ZNF483: variants seen among roughly 807,000 people sequenced by gnomAD.
ZNF483 encodes the protein zinc finger protein HIT-10.
Under a neutral mutation model 28.6 loss-of-function variants are expected in ZNF483, and 9 were observed. The observed-to-expected ratio is 0.32, with a 90% CI of 0.19 to 0.55. The LOEUF (loss-of-function observed/expected upper bound fraction) is 0.55, where lower values mean the gene tolerates loss of function less well. Among genes scored for constraint, ZNF483 ranks in the 20% least tolerant of loss-of-function variants. ZNF483 has a pLI of 0.93. For synonymous variants in ZNF483, 322 were observed against 306.2 expected (o/e 1.05, Z -0.54); for missense variants, 675 against 871.7 (o/e 0.77, Z 2.84).
At chr9:111,536,433 G>T (rs531740885) in intron 5 of ZNF483, among the ~76,000 whole-genome samples, 8 of 152,256 alleles carry the variant, frequency 5.3e-5, no homozygotes, top group African/African-American at 1.9e-4. Context: ...GCTGAGGCAG[G>T]AGAATCGCTT....
At chr9:111,574,730 T>G (rs772291875) in intron 5 of ZNF483, 3 of 1,607,890 alleles carry the variant, frequency 1.9e-6, no homozygotes, top group East Asian at 4.5e-5. Flanking sequence ...CATGTGCTCA[T>G]TACCTGGGGG....
Position 111,530,947 on chromosome 9 carries a change from C to G in ZNF483, c.485C>G (p.Pro162Arg), listed in dbSNP as rs550384329. The G allele has an allele frequency of 1.7e-4, 264 of 1,533,488 alleles. No homozygotes were observed. The South Asian group carries it at 2.9e-3, about 17-fold the overall frequency. The allele number at this position is 1,533,488 out of a possible 1,614,324, so 95.0% of individuals were successfully genotyped here. ...GAGGATAAAATGGTCACTGTTTGTC[C>G]CAATACTGAGTCCTGTGTAAGTTTC... ...SKEDKMVTVC[P>R]NTESCESITL... The change falls in exon 3 of 6, where the codon CCC (proline) becomes CGC (arginine). Residue 162 changes from proline (P) to arginine (R), a missense_variant. By Grantham distance (103) the Pro-to-Arg change is moderately radical. Coordinates refer to ENST00000309235, the MANE Select transcript of ZNF483 (RefSeq NM_133464.5).
Position 111,549,815 on chromosome 9 carries a change from G to T in ZNF483, c.*6645G>T. 6.8e-7 allele frequency: 1 copy of T among 1,469,800 alleles called. No homozygotes were observed. The highest frequency in any genetic ancestry group is 9.3e-7 in the Non-Finnish European group (1 of 1,073,596). 91.0% of individuals were successfully genotyped at this position (1,469,800 alleles called of 1,614,324 possible). A position where few individuals can be genotyped will look rare whatever the true frequency, so the allele number is the denominator to read the frequency against. ...CTCTTTTGATCTGTCAACACAATCA[G>T]AACATTTAGCTCTTTGAGCATCTTT... On this transcript the variant is annotated 3_prime_UTR_variant, in exon 6 of 6. Coordinates refer to ENST00000309235, the MANE Select transcript of ZNF483 (RefSeq NM_133464.5).
At chr9:111,534,964 C>T (rs7040225) in intron 5 of ZNF483, among the ~76,000 whole-genome samples, 23,004 of 151,848 alleles carry the variant, frequency 0.15, 2,293 homozygotes, top group African/African-American at 0.27. Flanking sequence ...ACCTCGTGAT[C>T]GGCCTGCCTC....
chr9:111,526,837 C>T lies in ZNF483; in HGVS notation c.-128-431C>T, dbSNP rs796129056. 1.2e-4 allele frequency among the ~76,000 whole-genome samples: 19 copies of T among 152,264 alleles called. 2 individuals carry two copies. The highest frequency in any genetic ancestry group is 4.3e-4 in the African/African-American group (18 of 41,546). On this transcript the variant is annotated intron_variant, in intron 1 of 5. Transcript: ENST00000309235. ...AATTATGGCTGGGCACAGTGGCTCA[C>T]GCCTGTAATCCTGACACTTTGGGAG...
At chr9:111,538,469 G>C (rs1827576744) in intron 5 of ZNF483, among the ~76,000 whole-genome samples, 1 of 148,494 alleles carries the variant, frequency 6.7e-6, no homozygotes, top group Non-Finnish European at 1.5e-5. Flanking sequence ...CAGCCTGGAT[G>C]ACAGAACAAG....
chr9:111,541,896 C>G lies in ZNF483; in HGVS notation c.961C>G (p.Leu321Val). 1 of 1,614,016 alleles carries G rather than the reference C, an allele frequency of 6.2e-7. No homozygotes were observed. Among genetic ancestry groups the G allele is most frequent in the South Asian group, 1.1e-5 (1 of 91,028 alleles). Residue 321 changes from leucine (L) to valine (V), a missense_variant, in exon 6 of 6, where the codon CTG (leucine) becomes GTG (valine). Physicochemically the swap from Leu to Val is conservative, Grantham distance 32. Around this residue, in one of 6 missense-constraint regions of ZNF483, gnomAD observed 525 missense variants for 581.8 expected, o/e 0.90. Transcript: ENST00000309235. ...AGAAACTTCAGACTTAATTAAACAT[C>G]TGAGAGTCTACTTGAGGAAGAAATC... The part of the protein sequence containing the change: ...FKETSDLIKH[L>V]RVYLRKKSRR...
In ZNF483 at chr9:111,546,898, T is replaced by C. The variant is rs1341275050; in HGVS notation, c.*3728T>C. ...GTTCTACTTCCTGTCTGTACAAATT[T>C]GACTGTTCTAATTACTTGGTATGAA... On this transcript the variant is annotated 3_prime_UTR_variant, in exon 6 of 6. Transcript: ENST00000309235. Among the ~76,000 whole-genome samples, 2 of 152,196 alleles carry C rather than the reference T, an allele frequency of 1.3e-5. No homozygotes were observed. The highest frequency in any genetic ancestry group is 4.8e-5 in the African/African-American group (2 of 41,460).
intron 5 of ZNF483, among the ~76,000 whole-genome samples, chr9:111,567,673 G>A (rs1213290127): frequency 6.6e-6 from 1 of 152,210 alleles, no homozygotes; most frequent in Non-Finnish European, 1.5e-5. Context: ...TAAGTGAAAT[G>A]CAGAGCTTTG....
intron 5 of ZNF483, among the ~76,000 whole-genome samples, chr9:111,540,247 T>C (rs983912075): frequency 2.0e-5 from 3 of 152,242 alleles, no homozygotes; most frequent in Non-Finnish European, 2.9e-5. Flanking sequence ...GCAGTTTTTC[T>C]GTTTTAAACT....
rs534769506 is a variant in ZNF483, at chr9:111,576,118, T to C, written c.722-247T>C. ...AAGGCTGCAGTGAGCTGTCATCACA[T>C]ACTGCACTCCAGATTGGGAGACAGA... On this transcript the variant is annotated intron_variant, in intron 5 of 5. Coordinates refer to the ZNF483 transcript ENST00000358151. 1.3e-4 allele frequency among the ~76,000 whole-genome samples: 20 copies of C among 151,144 alleles called. No individual in the cohort carries two copies. In the South Asian group the frequency reaches 4.2e-3, roughly 32 times the overall value.
chr9:111,570,010 A>AG (rs1421638140), intron 5 of ZNF483: 1 of 1,590,542 alleles, frequency 6.3e-7, no homozygotes, highest in South Asian at 1.1e-5. Flanking sequence ...ATGGGGAAGA[A>AG]TTGGTAGAAC....
rs760490223 is a variant in ZNF483 at position 111,543,078 on chromosome 9, G to A, written c.2143G>A (p.Gly715Arg). ...TGTAGAACACCTAAAAATTCATACC[G>A]GAAGGAGAGAATATGAATGTAACGA... ...ILVEHLKIHT[G>R]RREYECNECE... Residue 715 changes from glycine (G) to arginine (R), a missense_variant, in exon 6 of 6, where the codon GGA (glycine) becomes AGA (arginine). Around this residue, in one of 6 missense-constraint regions of ZNF483, gnomAD observed 55 missense variants for 72.4 expected, o/e 0.76. Transcript: ENST00000309235. 18 of 1,614,026 alleles carry A rather than the reference G, an allele frequency of 1.1e-5. No homozygotes were observed. Among genetic ancestry groups the A allele is most frequent in the East Asian group, 4.5e-5 (2 of 44,874 alleles).
Position 111,554,392 on chromosome 9 carries a change from C to T in ZNF483, c.*11222C>T, listed in dbSNP as rs895596758. Among the ~76,000 whole-genome samples, 3 of 152,200 alleles carry T rather than the reference C, an allele frequency of 2.0e-5. No individual in the cohort carries two copies. The highest frequency in any genetic ancestry group is 7.2e-5 in the African/African-American group (3 of 41,448). ...GGGAGGCTTGAAATACAGCTTTCCC[C>T]TCATTGTGGTGAGCACATAGATTAT... On this transcript the variant is annotated 3_prime_UTR_variant, in exon 6 of 6. Transcript: ENST00000309235.
At position 111,553,483 on chromosome 9, in the gene ZNF483, C is replaced by A. The variant is rs1828032640; in HGVS notation, c.*10313C>A. Among the ~76,000 whole-genome samples, 1 of 152,104 alleles carries A rather than the reference C, an allele frequency of 6.6e-6. No individual in the cohort carries two copies. The highest frequency in any genetic ancestry group is 1.5e-5 in the Non-Finnish European group (1 of 68,024). On this transcript the variant is annotated 3_prime_UTR_variant, in exon 6 of 6. Transcript: ENST00000309235. ...CTTGTGCTGTTTGCATAGGTATACT[C>A]TATCTTGTGCTATCTGCATAAAATA...
chr9:111,533,637 C>CT, intron 3 of ZNF483, 102 bp from the exon 4 acceptor site: 17 of 1,262,898 alleles, frequency 1.3e-5, no homozygotes, highest in South Asian at 1.8e-5. Context: ...CCACTGCACT[C>CT]TAACACGGGC....
At position 111,554,449 on chromosome 9, in the gene ZNF483, ACT is replaced by A. The variant is rs1411742880; in HGVS notation, c.*11282_*11283del. 7.2e-5 allele frequency among the ~76,000 whole-genome samples: 11 copies of A among 152,014 alleles called. No homozygotes were observed. The South Asian group carries it at 1.2e-3, about 17-fold the overall frequency. ...CACAGTCTGTTCTTTCGGTCACCAA[ACT>A]CTTTCTTCCCACACTTAATGCATAC... On this transcript the variant is annotated 3_prime_UTR_variant, in exon 6 of 6. Transcript: ENST00000309235.
At chr9:111,572,040 C>T (rs951445064) in intron 5 of ZNF483, among the ~76,000 whole-genome samples, 1 of 152,184 alleles carries the variant, frequency 6.6e-6, no homozygotes, top group Non-Finnish European at 1.5e-5. Context: ...TTTCAAGTTC[C>T]AGGAAGTCAG....
intron 5 of ZNF483, among the ~76,000 whole-genome samples, chr9:111,573,748 T>C (rs1395449398): frequency 6.6e-6 from 1 of 152,060 alleles, no homozygotes; most frequent in East Asian, 1.9e-4. Flanking sequence ...TCCACACCCA[T>C]AAAATGAGAG....
Sources: gnomAD v4.1 joint callset for allele counts (sites outside exome capture counted in the v4.1 genomes callset) on GRCh38, gnomAD v4.1.1 for gene constraint, gnomAD v4.1.1 regional missense constraint, MANE v1.5 for transcripts, NCBI Gene and HGNC (gene_info 2026-07-23, HGNC 2026-07-21) for gene names.